Variants in ITPR1 observed in about 807,000 individuals in gnomAD.
ITPR1 encodes inositol 1,4,5-trisphosphate-gated calcium channel ITPR1.
In ITPR1, 96 loss-of-function variants were observed where a neutral mutation model predicts 318.4. The observed-to-expected ratio is 0.30, with a 90% confidence interval of 0.26 to 0.36. ITPR1 has a LOEUF of 0.36. Ranked by LOEUF, ITPR1 falls within the 10% of genes least tolerant of loss-of-function variation. ITPR1 has a pLI of 1.00. For missense variants in ITPR1, 2,440 were observed against 3,460.2 expected (o/e 0.71, Z 7.40); for synonymous variants, 1,312 against 1,289.9 (o/e 1.02, Z -0.37).
In ITPR1 at chr3:4,835,560, G is replaced by C. The variant is rs182216504; in HGVS notation, c.8029-1214G>C. ...CAAAGCAACAATTATCCAGCATTCC[G>C]AGTGAGTGTGTGTGTGTGTGGGAGG... On this transcript the variant is annotated intron_variant, in intron 60 of 61. Coordinates refer to ENST00000649015, the MANE Select transcript of ITPR1 (RefSeq NM_001378452.1). Among the ~76,000 whole-genome samples, 29 of 149,706 alleles carry C rather than the reference G, an allele frequency of 1.9e-4. No homozygotes were observed. In the East Asian group the frequency reaches 5.1e-3, roughly 26 times the overall value.
chr3:4,789,642 C>T lies in ITPR1; in HGVS notation c.6808+1503C>T, dbSNP rs1296918114. 4.0e-5 allele frequency among the ~76,000 whole-genome samples: 6 copies of T among 149,650 alleles called. No homozygotes were observed. In the East Asian group the frequency reaches 9.6e-4, roughly 24 times the overall value. ...TTGTTTTTGTTTTTGTTTTTTGAGACAGAGTCTTGGTCTGTCGCCCAGGCT... is the reference window on the plus strand; with the variant it reads ...TTGTTTTTGTTTTTGTTTTTTGAGATAGAGTCTTGGTCTGTCGCCCAGGCT... On this transcript the variant is annotated intron_variant, in intron 52 of 61. Coordinates refer to ENST00000649015, the MANE Select transcript of ITPR1 (RefSeq NM_001378452.1).
chr3:4,801,337 A>G (rs905195352), intron 54 of ITPR1, among the ~76,000 whole-genome samples: 4 of 152,182 alleles, frequency 2.6e-5, no homozygotes, highest in African/African-American at 9.7e-5. Context: ...GCAAAATAAT[A>G]TAGTAATTCA....
rs991119885 is a variant in ITPR1, at chr3:4,788,209, G to A, written c.6808+70G>A. Reference sequence around the variant, plus strand: ...GGGATTTCACAAACTTGGGCTTGATGGTGCGTTCATTTCCAAGCAGGAGCA... The same window carrying A: ...GGGATTTCACAAACTTGGGCTTGATAGTGCGTTCATTTCCAAGCAGGAGCA... On this transcript the variant is annotated intron_variant, in intron 52 of 61. Transcript: ENST00000649015. The A allele has an allele frequency of 8.1e-6, 10 of 1,240,796 alleles. No individual in the cohort carries two copies. In the African/African-American group the frequency reaches 1.4e-4, roughly 17 times the overall value. 76.9% of individuals were successfully genotyped at this position (1,240,796 alleles called of 1,614,324 possible). A position where few individuals can be genotyped will look rare whatever the true frequency, so the allele number is the denominator to read the frequency against.
chr3:4,576,745 A>C (rs76716694), intron 4 of ITPR1, among the ~76,000 whole-genome samples: 348 of 152,320 alleles, frequency 2.3e-3, no homozygotes, highest in African/African-American at 8.0e-3. Context: ...ATGAAAATAT[A>C]ATTCTTGAAT....
At chr3:4,727,597 AC>A (rs2042611997) in intron 42 of ITPR1, among the ~76,000 whole-genome samples, 1 of 152,132 alleles carries the variant, frequency 6.6e-6, no homozygotes, top group Non-Finnish European at 1.5e-5. Context: ...TTTTTTAGAG[AC>A]AGATATTACT....
intron 37 of ITPR1, among the ~76,000 whole-genome samples, chr3:4,709,178 TG>T (rs1284659186): frequency 5.3e-5 from 8 of 152,212 alleles, no homozygotes; most frequent in Admixed American, 4.6e-4. Context: ...CTCAGAATTT[TG>T]CAGAAATGAC....
Position 4,833,940 on chromosome 3 carries a change from G to A in ITPR1, c.8029-2834G>A, listed in dbSNP as rs368612364. ...AGAGAGTCTTTCTGTCACCCAGGCTGTAGTGCGGTGGCACAATTATGACTC... is the reference window on the plus strand; with the variant it reads ...AGAGAGTCTTTCTGTCACCCAGGCTATAGTGCGGTGGCACAATTATGACTC... On this transcript the variant is annotated intron_variant, in intron 60 of 61. Coordinates refer to ENST00000649015, the MANE Select transcript of ITPR1 (RefSeq NM_001378452.1). Among the ~76,000 whole-genome samples, 6 of 152,202 alleles carry A rather than the reference G, an allele frequency of 3.9e-5. No individual in the cohort carries two copies. In the South Asian group the frequency reaches 1.2e-3, roughly 32 times the overall value.
At chr3:4,767,861 G>A (rs894380273) in intron 45 of ITPR1, among the ~76,000 whole-genome samples, 7 of 152,106 alleles carry the variant, frequency 4.6e-5, no homozygotes, top group African/African-American at 9.7e-5. Flanking sequence ...TGTCACCACC[G>A]CAAGATAGAT....
At chr3:4,622,369 T>A (rs1334543955) in intron 4 of ITPR1, among the ~76,000 whole-genome samples, 2 of 151,696 alleles carry the variant, frequency 1.3e-5, no homozygotes, top group African/African-American at 4.8e-5. Context: ...TGCCTTGGCC[T>A]CCCAAAGTGC....
intron 4 of ITPR1, among the ~76,000 whole-genome samples, chr3:4,566,062 C>G (rs771749830): frequency 6.6e-6 from 1 of 152,088 alleles, no homozygotes; most frequent in Non-Finnish European, 1.5e-5. Context: ...CCCTGTACAA[C>G]GAACTGTAAC....
chr3:4,514,405 G>A (rs531803636), intron 2 of ITPR1, among the ~76,000 whole-genome samples: 79 of 152,344 alleles, frequency 5.2e-4, no homozygotes, highest in Admixed American at 8.5e-4. Context: ...TCAGCTGCAA[G>A]CAACATGGGG....
At chr3:4,659,520 CA>C (rs1025361300) in intron 13 of ITPR1, among the ~76,000 whole-genome samples, 2 of 151,402 alleles carry the variant, frequency 1.3e-5, no homozygotes, top group African/African-American at 2.4e-5. Context: ...CCCGACTCTA[CA>C]AAAAAAATGC....
chr3:4,739,731 G>A (rs929793134), intron 44 of ITPR1, among the ~76,000 whole-genome samples: 35 of 152,206 alleles, frequency 2.3e-4, no homozygotes, highest in Admixed American at 5.9e-4. Flanking sequence ...TGCCTAGCAT[G>A]ATTCTGTGAG....
rs756528800 is a variant in ITPR1, at chr3:4,699,863, G to C, written c.4458G>C (p.Lys1486Asn). The C allele has an allele frequency of 3.1e-6, 5 of 1,613,490 alleles. No individual in the cohort carries two copies. Among genetic ancestry groups the C allele is most frequent in the South Asian group, 2.2e-5 (2 of 91,072 alleles). ...AACATGCAGACTCGATTTTGGAGAAGTATGTCACCGAAATCGTCATGAGTA... is the reference window on the plus strand; with the variant it reads ...AACATGCAGACTCGATTTTGGAGAACTATGTCACCGAAATCGTCATGAGTA... The part of the protein sequence containing the change: ...DRKHADSILE[K>N]YVTEIVMSIV... The change falls in exon 35 of 62, where the codon AAG (lysine) becomes AAC (asparagine). Residue 1486 changes from lysine (K) to asparagine (N), a missense_variant. Around this residue, in one of 23 missense-constraint regions of ITPR1, gnomAD observed 73 missense variants for 59.5 expected, o/e 1.23. Coordinates refer to ENST00000649015, the MANE Select transcript of ITPR1 (RefSeq NM_001378452.1).
At chr3:4,567,755 C>T (rs2087496008) in intron 4 of ITPR1, among the ~76,000 whole-genome samples, 1 of 152,140 alleles carries the variant, frequency 6.6e-6, no homozygotes, top group Admixed American at 6.5e-5. Context: ...GCATGCGTCA[C>T]CACACCCAGC....
At chr3:4,523,402 C>A (rs1022952134) in intron 4 of ITPR1, among the ~76,000 whole-genome samples, 2 of 148,680 alleles carry the variant, frequency 1.3e-5, no homozygotes, top group Non-Finnish European at 3.0e-5. Flanking sequence ...TGAGTTAATT[C>A]ATATATACAT....
At chr3:4,733,659 C>T (rs1292403117) in intron 43 of ITPR1, among the ~76,000 whole-genome samples, 1 of 152,154 alleles carries the variant, frequency 6.6e-6, no homozygotes, top group Non-Finnish European at 1.5e-5. Flanking sequence ...CTCATTTTCT[C>T]CTCCCAGCTA....
At chr3:4,644,262 T>C (rs1239702700) in intron 8 of ITPR1, 28 bp downstream of exon 8, 1 of 1,503,016 alleles carries the variant, frequency 6.7e-7, no homozygotes, top group Non-Finnish European at 9.2e-7. Flanking sequence ...TGTGTGTGGG[T>C]GTGGTTATCC....
At chr3:4,718,827 G>A (rs1415439099) in intron 40 of ITPR1, among the ~76,000 whole-genome samples, 2 of 152,160 alleles carry the variant, frequency 1.3e-5, no homozygotes, top group Non-Finnish European at 2.9e-5. Flanking sequence ...TCCTTCTTCC[G>A]GGTTATTTAT....
Sources: allele counts gnomAD v4.1 joint callset (sites outside exome capture counted in the v4.1 genomes callset), GRCh38; gene constraint gnomAD v4.1.1; regional missense constraint gnomAD v4.1.1; transcripts MANE v1.5; gene names NCBI Gene and HGNC (gene_info 2026-07-23, HGNC 2026-07-21).